The following RALGAPA1 variants were observed in gnomAD, a reference collection of about 807,000 sequenced individuals.
The protein encoded by RALGAPA1 is ral GTPase-activating protein subunit alpha-1.
In RALGAPA1, 52 loss-of-function variants were observed where a neutral mutation model predicts 269.6. That is an observed-to-expected ratio of 0.19 (90% CI 0.15 to 0.24). The LOEUF (loss-of-function observed/expected upper bound fraction) is 0.24. RALGAPA1 is among the 10% of genes least tolerant of loss of function. The pLI is 1.00. For synonymous variants in RALGAPA1, 817 were observed against 1,008.3 expected (o/e 0.81, Z 3.60); for missense variants, 1,917 against 3,013.9 (o/e 0.64, Z 8.52).
At chr14:35,561,537 C>CA (rs1260160145) in intron 39 of RALGAPA1, among the ~76,000 whole-genome samples, 1 of 102,236 alleles carries the variant, frequency 9.8e-6, no homozygotes, top group African/African-American at 3.9e-5. Context: ...TTTTTTGAGA[C>CA]AGAGTCTTAC....
chr14:35,785,334 A>G (rs1467295341), intron 1 of RALGAPA1, among the ~76,000 whole-genome samples: 2 of 152,210 alleles, frequency 1.3e-5, no homozygotes, highest in African/African-American at 4.8e-5. Context: ...AAAATGATGG[A>G]TCTGATCTGA....
intron 37 of RALGAPA1, among the ~76,000 whole-genome samples, chr14:35,590,231 CTT>C (rs2058556528): frequency 6.6e-6 from 1 of 152,178 alleles, no homozygotes; most frequent in African/African-American, 2.4e-5. Flanking sequence ...CTTTCATAGA[CTT>C]ATTAATTACC....
chr14:35,565,875 T>G (rs1312658174), intron 39 of RALGAPA1, among the ~76,000 whole-genome samples: 1 of 152,150 alleles, frequency 6.6e-6, no homozygotes, highest in South Asian at 2.1e-4. Flanking sequence ...AATTTTTATT[T>G]AAGGAATAGA....
chr14:35,697,149 G>A (rs571617477), intron 17 of RALGAPA1, among the ~76,000 whole-genome samples: 3 of 152,122 alleles, frequency 2.0e-5, no homozygotes, highest in South Asian at 2.1e-4. Flanking sequence ...TCCAAGAATC[G>A]CAGAGGCAAA....
At chr14:35,609,705 T>C (rs1054465835) in intron 35 of RALGAPA1, among the ~76,000 whole-genome samples, 3 of 152,096 alleles carry the variant, frequency 2.0e-5, no homozygotes, top group Admixed American at 6.5e-5. Context: ...GAAGAACTGC[T>C]TGAGCCCAGG....
chr14:35,647,304 T>C (rs1300955594), intron 31 of RALGAPA1, among the ~76,000 whole-genome samples: 1 of 152,196 alleles, frequency 6.6e-6, no homozygotes, highest in African/African-American at 2.4e-5. Context: ...CAAGCCCATA[T>C]TCACCAATGA....
At chr14:35,745,852 A>T (rs1289670546) in intron 10 of RALGAPA1, among the ~76,000 whole-genome samples, 1 of 151,828 alleles carries the variant, frequency 6.6e-6, no homozygotes, top group Non-Finnish European at 1.5e-5. Context: ...TGGGAGGCCG[A>T]CGAGAGAGGA....
rs1050838571 is a variant in RALGAPA1, at chr14:35,724,320, C to A, written c.1866+704G>T. Among the ~76,000 whole-genome samples the A allele has an allele frequency of 3.6e-4, 55 of 152,054 alleles. 1 individual carries two copies. Among genetic ancestry groups the A allele is most frequent in the Admixed American group, 3.9e-4 (6 of 15,260 alleles). ...GCTAATATATGAAAAAAAACTCCAA[C>A]CAATTTAAATGGCTACTCTTGGCCA... On this transcript the variant is annotated intron_variant, in intron 14 of 41. Coordinates refer to ENST00000680220, the MANE Select transcript of RALGAPA1 (RefSeq NM_001346249.2).
chr14:35,566,350 T>C (rs1255338246), intron 39 of RALGAPA1, among the ~76,000 whole-genome samples: 1 of 152,164 alleles, frequency 6.6e-6, no homozygotes, highest in Non-Finnish European at 1.5e-5. Flanking sequence ...ATTAGATTCA[T>C]GGTTTCAGAA....
At chr14:35,587,951 GGCTGGAGTGCAGTGGTGTGATCTCA>G (rs2058408065) in intron 37 of RALGAPA1, among the ~76,000 whole-genome samples, 1 of 152,122 alleles carries the variant, frequency 6.6e-6, no homozygotes, top group Admixed American at 6.5e-5. Flanking sequence ...TCTATCACCA[GGCTGGAGTGCAGTGGTGTGATCTCA>G]GCTTACTGCA....
chr14:35,731,190 T>C (rs2070444667), intron 12 of RALGAPA1, among the ~76,000 whole-genome samples: 1 of 150,924 alleles, frequency 6.6e-6, no homozygotes, highest in Non-Finnish European at 1.5e-5. Flanking sequence ...AGGGGGAGAG[T>C]ACTACATCAG....
At chr14:35,717,135 G>T (rs1368952414) in intron 16 of RALGAPA1, among the ~76,000 whole-genome samples, 2 of 152,154 alleles carry the variant, frequency 1.3e-5, no homozygotes, top group Non-Finnish European at 2.9e-5. Context: ...AAATATAGAA[G>T]AATACATAAG....
chr14:35,692,659 GA>G (rs905745240), intron 17 of RALGAPA1, among the ~76,000 whole-genome samples: 1 of 151,038 alleles, frequency 6.6e-6, no homozygotes, highest in African/African-American at 2.4e-5. Context: ...AAATTCTTAA[GA>G]TTTAAATATA....
At chr14:35,746,883 G>A (rs1430252808) in intron 10 of RALGAPA1, among the ~76,000 whole-genome samples, 1 of 150,788 alleles carries the variant, frequency 6.6e-6, no homozygotes, top group East Asian at 1.9e-4. Flanking sequence ...AAACTTATAC[G>A]ATAACCACTA....
rs781645466 is a variant in RALGAPA1 at position 35,549,194 on chromosome 14, G to T, written c.7537C>A (p.His2513Asn). The change falls in exon 40 of 42, where the codon CAC becomes AAC. Residue 2513 changes from histidine to asparagine, a missense_variant. Around this residue, in one of 11 missense-constraint regions of RALGAPA1, gnomAD observed 91 missense variants for 130.9 expected, o/e 0.70. Coordinates refer to ENST00000680220, the MANE Select transcript of RALGAPA1 (RefSeq NM_001346249.2). ...TCAAATGTTGTTGGTTCTAAGTGGT[G>T]CTGGACAATTGTTTGCAGGTATCGT... Reference protein sequence around the residue: ...RARYLQTIVQHHLEPTTFEDF... With the variant: ...RARYLQTIVQNHLEPTTFEDF... The T allele has an allele frequency of 5.0e-6, 8 of 1,612,614 alleles. No homozygotes were observed. Among genetic ancestry groups the T allele is most frequent in the Non-Finnish European group, 6.8e-6 (8 of 1,179,124 alleles).
At chr14:35,623,728 C>A (rs8022836) in intron 35 of RALGAPA1, among the ~76,000 whole-genome samples, 1 of 151,892 alleles carries the variant, frequency 6.6e-6, no homozygotes. Context: ...CTCTATCCTG[C>A]GGCAAGAAAT....
chr14:35,564,710 A>G (rs2139358523), intron 39 of RALGAPA1, among the ~76,000 whole-genome samples: 1 of 152,302 alleles, frequency 6.6e-6, no homozygotes, highest in East Asian at 1.9e-4. Flanking sequence ...ATTTAATTAT[A>G]TAATATCCCC....
intron 19 of RALGAPA1, among the ~76,000 whole-genome samples, 167 bp downstream of exon 19, chr14:35,686,375 T>C (rs1339408235): frequency 6.6e-6 from 1 of 152,062 alleles, no homozygotes; most frequent in East Asian, 1.9e-4. Flanking sequence ...AAAAATGTTA[T>C]AAAAATGTAA....
intron 27 of RALGAPA1, among the ~76,000 whole-genome samples, chr14:35,664,063 G>T (rs539739043): frequency 6.6e-6 from 1 of 152,098 alleles, no homozygotes; most frequent in Non-Finnish European, 1.5e-5. Context: ...GGGTGATCTG[G>T]TATGTCTTCT....
Sources: allele counts gnomAD v4.1 joint callset (sites outside exome capture counted in the v4.1 genomes callset), GRCh38; gene constraint gnomAD v4.1.1; regional missense constraint gnomAD v4.1.1; transcripts MANE v1.5; gene names NCBI Gene and HGNC (gene_info 2026-07-23, HGNC 2026-07-21).